CDK14: variants seen among roughly 807,000 people sequenced by gnomAD.
CDK14 encodes cyclin-dependent kinase 14.
Under a neutral mutation model 60.7 loss-of-function variants are expected in CDK14, and 34 were observed. The ratio of observed to expected loss-of-function variants is 0.56; its 90% CI spans 0.43 to 0.75. CDK14 has a LOEUF of 0.75. Among genes scored for constraint, CDK14 ranks in the 30% least tolerant of loss-of-function variants. The pLI is 0.00. For synonymous variants in CDK14, 197 were observed against 203.7 expected (o/e 0.97, Z 0.28); for missense variants, 482 against 564.1 (o/e 0.85, Z 1.47).
chr7:90,869,063 A>G (rs1022772943), intron 6 of CDK14, among the ~76,000 whole-genome samples: 2 of 152,220 alleles, frequency 1.3e-5, no homozygotes, highest in African/African-American at 4.8e-5. Flanking sequence ...TCTCTGCCTC[A>G]TACATTTTGA....
At chr7:91,064,890 A>G (rs1308403948) in intron 11 of CDK14, among the ~76,000 whole-genome samples, 4 of 152,210 alleles carry the variant, frequency 2.6e-5, no homozygotes, top group Non-Finnish European at 5.9e-5. Flanking sequence ...TTTAGACTTT[A>G]ATAAATGCCT....
chr7:90,732,833 A>G (rs911648594), intron 3 of CDK14, among the ~76,000 whole-genome samples: 11 of 152,028 alleles, frequency 7.2e-5, no homozygotes, highest in South Asian at 4.1e-4. Context: ...TCCTGTCTCT[A>G]TATCCTTCAG....
At chr7:91,092,281 C>A (rs1299429425) in intron 12 of CDK14, among the ~76,000 whole-genome samples, 1 of 152,156 alleles carries the variant, frequency 6.6e-6, no homozygotes, top group Non-Finnish European at 1.5e-5. Context: ...TTTATGCTCA[C>A]CATCAAACCA....
At chr7:91,057,034 A>T (rs1797595213) in intron 11 of CDK14, among the ~76,000 whole-genome samples, 1 of 152,006 alleles carries the variant, frequency 6.6e-6, no homozygotes, top group South Asian at 2.1e-4. Flanking sequence ...AACAGTGTAA[A>T]AGTGTTCCTA....
intron 9 of CDK14, among the ~76,000 whole-genome samples, chr7:90,973,566 A>G (rs990643338): frequency 2.6e-5 from 4 of 152,184 alleles, no homozygotes; most frequent in African/African-American, 9.6e-5. Context: ...GGACCAGCCC[A>G]CAATATTTCA....
At chr7:91,157,211 C>T (rs1164083991) in intron 14 of CDK14, among the ~76,000 whole-genome samples, 1 of 152,156 alleles carries the variant, frequency 6.6e-6, no homozygotes, top group Non-Finnish European at 1.5e-5. Flanking sequence ...TACGTCATGT[C>T]TCCTTAGATT....
chr7:90,762,414 T>C (rs1042935281), intron 4 of CDK14, among the ~76,000 whole-genome samples: 8 of 152,204 alleles, frequency 5.3e-5, no homozygotes, highest in African/African-American at 1.7e-4. Flanking sequence ...TAGGGTCCTC[T>C]CCTTTCCTCC....
At chr7:90,673,957 A>G (rs969800304) in intron 2 of CDK14, among the ~76,000 whole-genome samples, 4 of 152,160 alleles carry the variant, frequency 2.6e-5, no homozygotes, top group African/African-American at 9.7e-5. Context: ...ATATGTACAC[A>G]CCACTTACAG....
At chr7:90,930,064 A>G (rs1313140463) in intron 8 of CDK14, among the ~76,000 whole-genome samples, 2 of 152,160 alleles carry the variant, frequency 1.3e-5, no homozygotes, top group Non-Finnish European at 2.9e-5. Flanking sequence ...TTTATAAGAA[A>G]ACAGTGTACA....
chr7:91,034,941 CACAT>C (rs1477217287), intron 10 of CDK14, among the ~76,000 whole-genome samples: 6 of 97,654 alleles, frequency 6.1e-5, no homozygotes, highest in East Asian at 3.3e-4. Context: ...CACACACATA[CACAT>C]ACACACACAC....
At chr7:91,055,512 G>A (rs1206574655) in intron 11 of CDK14, among the ~76,000 whole-genome samples, 2 of 152,162 alleles carry the variant, frequency 1.3e-5, no homozygotes, top group Non-Finnish European at 2.9e-5. Flanking sequence ...AAGGGAAAAT[G>A]AAGTTCTACT....
At chr7:90,620,651 G>A (rs188753059) in intron 2 of CDK14, among the ~76,000 whole-genome samples, 1 of 152,100 alleles carries the variant, frequency 6.6e-6, no homozygotes, top group Non-Finnish European at 1.5e-5. Flanking sequence ...GTCTTGGCAC[G>A]GAGCAGGCAC....
chr7:90,755,904 G>T (rs564096644), intron 4 of CDK14, among the ~76,000 whole-genome samples: 6 of 152,036 alleles, frequency 3.9e-5, no homozygotes, highest in Admixed American at 3.9e-4. Flanking sequence ...CAATTATTTT[G>T]TGTACAATAT....
rs117236378 is a variant in CDK14 at position 90,994,696 on chromosome 7, C to T, written c.1041+10455C>T. On this transcript the variant is annotated intron_variant, in intron 10 of 14. Transcript: ENST00000380050. ...ACTGCTTCCCGTGCTAAATATAAAG[C>T]ATGAATTGTCAAGAGTGTTACTTCG... Among the ~76,000 whole-genome samples the T allele has an allele frequency of 1.2e-4, 19 of 152,316 alleles. No homozygotes were observed. In the East Asian group the frequency reaches 3.3e-3, roughly 26 times the overall value.
intron 3 of CDK14, among the ~76,000 whole-genome samples, chr7:90,739,628 T>C (rs555751174): frequency 3.1e-4 from 47 of 152,320 alleles, no homozygotes; most frequent in African/African-American, 8.2e-4. Context: ...TGTCTTATAC[T>C]TACTCTAAGT....
intron 10 of CDK14, among the ~76,000 whole-genome samples, chr7:91,011,230 G>T (rs995285442): frequency 6.6e-6 from 1 of 151,988 alleles, no homozygotes; most frequent in African/African-American, 2.4e-5. Flanking sequence ...AATAGGTATT[G>T]TCCCTACCTG....
intron 9 of CDK14, among the ~76,000 whole-genome samples, chr7:90,966,964 A>T (rs929358696): frequency 3.9e-5 from 6 of 152,034 alleles, no homozygotes; most frequent in African/African-American, 1.4e-4. Flanking sequence ...CTTGTTTAAA[A>T]TTTTATTTCC....
At chr7:91,168,281 A>G (rs949007031) in intron 14 of CDK14, among the ~76,000 whole-genome samples, 9 of 150,464 alleles carry the variant, frequency 6.0e-5, no homozygotes, top group Admixed American at 4.6e-4. Context: ...AAAAAAGATA[A>G]TTGGGCCACT....
intron 1 of CDK14, among the ~76,000 whole-genome samples, chr7:90,601,833 A>G (rs1464514048): frequency 1.3e-5 from 2 of 151,876 alleles, no homozygotes; most frequent in Admixed American, 6.6e-5. Flanking sequence ...GCTCACTGCA[A>G]CCTCTGCCTC....
Sources: gnomAD v4.1 joint callset for allele counts (sites outside exome capture counted in the v4.1 genomes callset) on GRCh38, gnomAD v4.1.1 for gene constraint, MANE v1.5 for transcripts, NCBI Gene and HGNC (gene_info 2026-07-23, HGNC 2026-07-21) for gene names.